Variants in WDR4 observed in about 807,000 individuals in gnomAD.
WDR4 encodes the protein tRNA (guanine-N(7)-)-methyltransferase non-catalytic subunit WDR4.
WDR4 carries 47 observed loss-of-function variants against 48.6 expected under a neutral mutation model. The observed-to-expected ratio is 0.97, with a 90% confidence interval of 0.77 to 1.23. The LOEUF (loss-of-function observed/expected upper bound fraction) is 1.23. Ranked by LOEUF, WDR4 falls within the 50% of genes most tolerant of loss-of-function variation. The pLI is 0.00. For missense variants in WDR4, 606 were observed against 551.6 expected (o/e 1.10, Z -0.99); for synonymous variants, 268 against 230.0 (o/e 1.17, Z -1.49).
chr21:42,873,564 A>G lies in WDR4; in HGVS notation c.283T>C (p.Cys95Arg), dbSNP rs1479738686. 1 of 1,613,990 alleles carries G rather than the reference A, an allele frequency of 6.2e-7. No homozygotes were observed. Among genetic ancestry groups the G allele is most frequent in the East Asian group, 2.2e-5 (1 of 44,900 alleles). ...LILFRTKPWQ[C>R]LSVRTVARRC... ...AGCATCTCATACCTGACACTCAGACATTGCCATGGTTTTGTACGGAAAAGA... is the reference window on the plus strand; with the variant it reads ...AGCATCTCATACCTGACACTCAGACGTTGCCATGGTTTTGTACGGAAAAGA... Residue 95 changes from cysteine to arginine, a missense_variant, in exon 3 of 11, where the codon TGT becomes CGT. Cys to Arg is a radical substitution (Grantham distance 180). Coordinates refer to ENST00000398208, the MANE Select transcript of WDR4 (RefSeq NM_018669.6).
chr21:42,853,768 G>T lies in WDR4; in HGVS notation c.792-16C>A. ...CACAGGAGTGCTTGCCACGAAGAAA[G>T]AGAGCATGATTACTAGGACTGCAGG... is the stretch of plus-strand genomic sequence containing the variant. On this transcript the variant is annotated splice_polypyrimidine_tract_variant and intron_variant, in intron 8 of 10. Transcript: ENST00000398208. The T allele has an allele frequency of 6.5e-7, 1 of 1,546,260 alleles. No individual in the cohort carries two copies. Among genetic ancestry groups the T allele is most frequent in the South Asian group, 1.2e-5 (1 of 84,092 alleles).
chr21:42,851,070 G>A (rs910291942), intron 10 of WDR4, among the ~76,000 whole-genome samples: 3 of 152,198 alleles, frequency 2.0e-5, no homozygotes, highest in Non-Finnish European at 4.4e-5. Context: ...CCAAGTCTGC[G>A]CCGGGAACAG....
At chr21:42,855,520 G>A (rs774901070) in intron 7 of WDR4, among the ~76,000 whole-genome samples, 162 bp downstream of exon 7, 2 of 152,202 alleles carry the variant, frequency 1.3e-5, no homozygotes, top group Non-Finnish European at 2.9e-5. Context: ...CTGACATGAC[G>A]AGCCACCTTC....
chr21:42,865,832 A>C (rs1408858653), intron 3 of WDR4, among the ~76,000 whole-genome samples: 1 of 151,758 alleles, frequency 6.6e-6, no homozygotes, highest in Admixed American at 6.6e-5. Context: ...GTAACCACCC[A>C]TCTCCACACC....
chr21:42,857,310 A>T (rs1281364690), intron 6 of WDR4, among the ~76,000 whole-genome samples: 1 of 152,114 alleles, frequency 6.6e-6, no homozygotes, highest in Non-Finnish European at 1.5e-5. Flanking sequence ...AGGCCGGGAC[A>T]CTGACCACCC....
Position 42,855,771 on chromosome 21 carries a change from G to A in WDR4, c.637C>T (p.Leu213=), listed in dbSNP as rs1228806352. The A allele has an allele frequency of 1.3e-6, 2 of 1,551,708 alleles. No individual in the cohort carries two copies. Among genetic ancestry groups the A allele is most frequent in the Admixed American group, 3.9e-5 (2 of 51,192 alleles). The change falls in exon 7 of 11, where the codon CTG becomes TTG. Residue 213 remains leucine (L), a synonymous_variant. Transcript: ENST00000398208. The part of the protein sequence containing the change: ...LLLSSSGDGT[L]RLWEYRSGRQ... ...CCGCTCCTGTACTCCCAGAGCCTCA[G>A]GGTGCCGTCCTGCACAAACCAAACA...
At chr21:42,887,787 G>A in the WDR4 span, among the ~76,000 whole-genome samples, 8 of 151,686 alleles carry the variant, frequency 5.3e-5, no homozygotes, top group African/African-American at 9.7e-5. Context: ...GCGTGGTGGC[G>A]TGTGCCTGTA....
At chr21:42,859,505 G>A (rs1254153273) in intron 6 of WDR4, among the ~76,000 whole-genome samples, 157 bp downstream of exon 6, 3 of 151,800 alleles carry the variant, frequency 2.0e-5, no homozygotes, top group Non-Finnish European at 1.5e-5. Flanking sequence ...AGCGGCCGCA[G>A]GCGGGGAGCG....
intron 7 of WDR4, 66 bp from the exon 8 acceptor site, chr21:42,854,692 C>G: frequency 6.6e-7 from 1 of 1,511,526 alleles, no homozygotes; most frequent in African/African-American, 1.4e-5. Context: ...GCGCTCTGAT[C>G]CAACAAGAGC....
chr21:42,888,551 C>A, the WDR4 span, among the ~76,000 whole-genome samples: 91,114 of 151,666 alleles, frequency 0.6, 28,124 homozygotes, highest in African/African-American at 0.71. Context: ...CAGAGTGAGA[C>A]CCTGTCTCCA....
Position 42,877,378 on chromosome 21 carries a change from A to C in WDR4, c.90-611T>G, listed in dbSNP as rs901239461. Among the ~76,000 whole-genome samples, 14 of 151,064 alleles carry C rather than the reference A, an allele frequency of 9.3e-5. No individual in the cohort carries two copies. In the South Asian group the frequency reaches 1.0e-3, roughly 11 times the overall value. On this transcript the variant is annotated intron_variant, in intron 1 of 10. Transcript: ENST00000398208. ...AGGCTGGTCTCAAGCTCCTGACCTC[A>C]GATGATCTGCCCGCCTCAGCCTCCC...
chr21:42,892,223 C>A, the WDR4 span, among the ~76,000 whole-genome samples: 1 of 148,788 alleles, frequency 6.7e-6, no homozygotes, highest in Admixed American at 6.8e-5. Flanking sequence ...CACTGCACGC[C>A]AGCCTGGGCT....
chr21:42,872,527 C>A (rs1207804451), intron 3 of WDR4, among the ~76,000 whole-genome samples: 1 of 150,466 alleles, frequency 6.6e-6, no homozygotes, highest in Non-Finnish European at 1.5e-5. Context: ...GGGAGAATTG[C>A]TTGAAACTGG....
At chr21:42,854,953 A>C (rs2057947684) in intron 7 of WDR4, among the ~76,000 whole-genome samples, 1 of 152,050 alleles carries the variant, frequency 6.6e-6, no homozygotes, top group African/African-American at 2.4e-5. Flanking sequence ...TACACATACA[A>C]CTGCCCTGTG....
At chr21:42,844,691 G>A (rs2057696225), downstream of WDR4, among the ~76,000 whole-genome samples, 1 of 152,250 alleles carries the variant, frequency 6.6e-6, no homozygotes, top group African/African-American at 2.4e-5. Flanking sequence ...GCCCGGGGCA[G>A]GAGTGCCAGC....
chr21:42,860,025 C>CT (rs1569321806), intron 5 of WDR4, among the ~76,000 whole-genome samples: 1 of 152,144 alleles, frequency 6.6e-6, no homozygotes, highest in Non-Finnish European at 1.5e-5. Context: ...CGCCTCTGTG[C>CT]CCCTCTGCAG....
chr21:42,864,573 C>T (rs886946717), intron 3 of WDR4, among the ~76,000 whole-genome samples: 1 of 152,136 alleles, frequency 6.6e-6, no homozygotes, highest in Non-Finnish European at 1.5e-5. Context: ...TGTGAGAGGC[C>T]TGCGCTCCCC....
At chr21:42,889,856 G>A in the WDR4 span, among the ~76,000 whole-genome samples, 1 of 151,980 alleles carries the variant, frequency 6.6e-6, no homozygotes, top group East Asian at 1.9e-4. Flanking sequence ...CACAGCTCCC[G>A]GCCAGTTTTC....
chr21:42,888,568 A>C, the WDR4 span, among the ~76,000 whole-genome samples: 4 of 152,024 alleles, frequency 2.6e-5, no homozygotes, highest in Non-Finnish European at 5.9e-5. Context: ...TCCAATAAAT[A>C]AATAAATCAA....
Sources: allele counts gnomAD v4.1 joint callset (sites outside exome capture counted in the v4.1 genomes callset), GRCh38; gene constraint gnomAD v4.1.1; transcripts MANE v1.5; gene names NCBI Gene and HGNC (gene_info 2026-07-23, HGNC 2026-07-21).